Variants in GRK5 observed in about 807,000 individuals in gnomAD.
GRK5 encodes the protein G protein-coupled receptor kinase 5, also known as g protein-coupled receptor kinase GRK5.
GRK5 carries 40 observed loss-of-function variants against 78.4 expected under a neutral mutation model. That is an observed-to-expected ratio of 0.51 (90% confidence interval 0.40 to 0.66). The LOEUF is 0.66. Ranked by LOEUF, GRK5 falls within the 30% of genes least tolerant of loss-of-function variation. The pLI is 0.00. For synonymous variants in GRK5, 289 were observed against 296.8 expected, an observed-to-expected ratio of 0.97 and a Z score of 0.27; for missense variants, 598 against 759.9, an observed-to-expected ratio of 0.79 and a Z score of 2.50.
intron 4 of GRK5, among the ~76,000 whole-genome samples, chr10:119,413,622 T>G (rs925007495): frequency 6.6e-6 from 1 of 152,008 alleles, no homozygotes; most frequent in Non-Finnish European, 1.5e-5. Flanking sequence ...CGTGCTGCAT[T>G]CCATCCTGAT....
rs115944177 is a variant in GRK5, at chr10:119,323,348, C to T, written c.53-3168C>T. ...CATATGCAAAAAATGGTGCTTCATG[C>T]CTGCCAGGTCTGAGAATCAGTAGTG... On this transcript the variant is annotated intron_variant, in intron 1 of 15. Transcript: ENST00000392870. 6.9e-3 allele frequency among the ~76,000 whole-genome samples: 1,057 copies of T among 152,292 alleles called. 20 individuals are homozygous for T. Among genetic ancestry groups the T allele is most frequent in the African/African-American group, 0.024 (1,017 of 41,552 alleles).
chr10:119,223,782 G>T (rs185231793), intron 1 of GRK5, among the ~76,000 whole-genome samples: 2 of 151,240 alleles, frequency 1.3e-5, no homozygotes, highest in African/African-American at 2.4e-5. Flanking sequence ...ACTTCCTGAG[G>T]GCTGACACCA....
rs80167187 is a variant in GRK5 at position 119,255,678 on chromosome 10, C to G, written c.52+47709C>G. Among the ~76,000 whole-genome samples, 4 of 152,352 alleles carry G rather than the reference C, an allele frequency of 2.6e-5. No individual in the cohort carries two copies. In the East Asian group the frequency reaches 5.8e-4, roughly 22 times the overall value. ...AGAGCCTCTGGCCGTTCCCGCCATG[C>G]CTGCTGCCCCCTGTCCTGGTGTGTT... On this transcript the variant is annotated intron_variant, in intron 1 of 15. Transcript: ENST00000392870.
intron 4 of GRK5, 75 bp downstream of exon 4, chr10:119,396,847 C>T: frequency 8.9e-7 from 1 of 1,129,104 alleles, no homozygotes; most frequent in Non-Finnish European, 1.3e-6. Flanking sequence ...TAAGTCTGTG[C>T]CAGGCCACAT....
chr10:119,330,408 A>C (rs1048273354), intron 2 of GRK5: 2 of 147,418 alleles, frequency 1.4e-5, no homozygotes, highest in Non-Finnish European at 3.0e-5. Context: ...AGAGAGAGAG[A>C]GAGCTCTTGT....
At chr10:119,397,588 T>C (rs901378819) in intron 4 of GRK5, among the ~76,000 whole-genome samples, 1 of 152,234 alleles carries the variant, frequency 6.6e-6, no homozygotes, top group African/African-American at 2.4e-5. Flanking sequence ...GGCTTCACCC[T>C]GCTCAGGACC....
chr10:119,237,546 G>A (rs569042124), intron 1 of GRK5, among the ~76,000 whole-genome samples: 1 of 152,326 alleles, frequency 6.6e-6, no homozygotes, highest in Non-Finnish European at 1.5e-5. Context: ...ATGTTGGAAT[G>A]GAAGAGATGG....
At chr10:119,348,190 A>C (rs1251602386) in intron 2 of GRK5, among the ~76,000 whole-genome samples, 1 of 152,178 alleles carries the variant, frequency 6.6e-6, no homozygotes. Context: ...ACCCACATGC[A>C]TCCCTCTTTC....
Position 119,431,625 on chromosome 10 carries a change from C to T in GRK5, c.738+98C>T. The T allele has an allele frequency of 7.0e-7, 1 of 1,422,278 alleles. No homozygotes were observed. The highest frequency in any genetic ancestry group is 9.5e-7 in the Non-Finnish European group (1 of 1,054,598). 88.1% of individuals were successfully genotyped at this position (1,422,278 alleles called of 1,614,324 possible). A position where few individuals can be genotyped will look rare whatever the true frequency, so the allele number is the denominator to read the frequency against. On this transcript the variant is annotated intron_variant, in intron 8 of 15. Transcript: ENST00000392870. The surrounding 1 kb of genome is among the most constrained non-coding windows in gnomAD (Gnocchi z 4.8). ...GTGGTCCTCTAATGCGGCCGGTCCC[C>T]ACCCCTGGGAAGGGGAATGCCAGTG... is the stretch of plus-strand genomic sequence containing the variant.
chr10:119,324,253 A>C (rs1416565222), intron 1 of GRK5, among the ~76,000 whole-genome samples: 1 of 152,238 alleles, frequency 6.6e-6, no homozygotes, highest in East Asian at 1.9e-4. Context: ...TGGCTCTGCC[A>C]ATTATGAGCC....
At position 119,248,994 on chromosome 10, in the gene GRK5, C is replaced by T. The variant is rs192161236; in HGVS notation, c.52+41025C>T. The stretch of plus-strand genomic sequence containing the variant: ...CTTTAAAATGGAGATACTAGCTGGG[C>T]GCGGTGGCTCATGCCTGTAATCCCA... On this transcript the variant is annotated intron_variant, in intron 1 of 15. Transcript: ENST00000392870. Among the ~76,000 whole-genome samples the T allele has an allele frequency of 8.5e-5, 13 of 152,226 alleles. No individual in the cohort carries two copies. In the East Asian group the frequency reaches 1.7e-3, roughly 20 times the overall value.
intron 1 of GRK5, among the ~76,000 whole-genome samples, chr10:119,266,773 G>A (rs1480051183): frequency 2.2e-5 from 3 of 134,722 alleles, no homozygotes. Context: ...GGGGGGAAGA[G>A]TTTTTTTTTT....
intron 2 of GRK5, among the ~76,000 whole-genome samples, chr10:119,335,149 T>TCTCTCTCTCTCTCTCTCTCTCTCC (rs1850854702): frequency 7.3e-6 from 1 of 136,598 alleles, no homozygotes; most frequent in Non-Finnish European, 1.6e-5. Flanking sequence ...TCTCTCTCTC[T>TCTCTCTCTCTCTCTCTCTCTCTCC]CTCTCTCTCT....
chr10:119,398,541 C>T (rs1045919101), intron 4 of GRK5, among the ~76,000 whole-genome samples: 2 of 152,196 alleles, frequency 1.3e-5, no homozygotes, highest in African/African-American at 2.4e-5. Context: ...TGGCCCAGTC[C>T]AGCGCTTCAT....
At chr10:119,307,016 G>T (rs998993305) in intron 1 of GRK5, among the ~76,000 whole-genome samples, 1 of 152,132 alleles carries the variant, frequency 6.6e-6, no homozygotes, top group Non-Finnish European at 1.5e-5. Flanking sequence ...GATCAGCAAG[G>T]TTCCTCTCAG....
In GRK5 at chr10:119,436,652, T is replaced by C. The variant is rs1659925240; in HGVS notation, c.740T>C (p.Val247Ala). The C allele has an allele frequency of 6.2e-7, 1 of 1,613,990 alleles. No homozygotes were observed. Among genetic ancestry groups the C allele is most frequent in the Non-Finnish European group, 8.5e-7 (1 of 1,180,018 alleles). The change falls in exon 9 of 16, where the codon GTC becomes GCC. Residue 247 changes from valine (V) to alanine (A), a missense_variant and splice_region_variant. Val to Ala is a moderately conservative substitution (Grantham distance 64). Coordinates refer to ENST00000392870, the MANE Select transcript of GRK5 (RefSeq NM_005308.3). ...ILEKVNSQFV[V>A]NLAYAYETKD... ...ATGGCACTGTTCTTGTGCTCCCAGG[T>C]CAACCTGGCCTATGCCTACGAGACC...
intron 12 of GRK5, among the ~76,000 whole-genome samples, chr10:119,447,611 CG>C (rs1259861555): frequency 1.3e-5 from 2 of 152,186 alleles, no homozygotes; most frequent in African/African-American, 4.8e-5. Context: ...CCCCTGCCCC[CG>C]GGGTGCCCGA....
intron 1 of GRK5, among the ~76,000 whole-genome samples, chr10:119,229,134 G>A (rs1254616505): frequency 1.1e-4 from 17 of 152,194 alleles, no homozygotes; most frequent in Middle Eastern, 3.4e-3. Context: ...GGCTTGATGC[G>A]TAAAGTGGCC....
rs187123909 is a variant in GRK5 at position 119,360,374 on chromosome 10, G to A, written c.149-20441G>A. Among the ~76,000 whole-genome samples the A allele has an allele frequency of 7.6e-4, 116 of 152,348 alleles. 3 individuals are homozygous for A. The highest frequency in any genetic ancestry group is 7.6e-3 in the Admixed American group (116 of 15,304). Reference sequence around the variant, plus strand: ...CACGGGGCTGGGTGGGATTCTGGAGGCGCTTAGTGGGTGGCTTCTCAGAGC... The same window carrying A: ...CACGGGGCTGGGTGGGATTCTGGAGACGCTTAGTGGGTGGCTTCTCAGAGC... On this transcript the variant is annotated intron_variant, in intron 2 of 15. Coordinates refer to ENST00000392870, the MANE Select transcript of GRK5 (RefSeq NM_005308.3).
Sources: allele counts gnomAD v4.1 joint callset (sites outside exome capture counted in the v4.1 genomes callset), GRCh38; gene constraint gnomAD v4.1.1; non-coding constraint Gnocchi (gnomAD v3.1); transcripts MANE v1.5; gene names NCBI Gene and HGNC (gene_info 2026-07-23, HGNC 2026-07-21).